TRPM2: variants seen among roughly 807,000 people sequenced by gnomAD.
TRPM2 encodes the protein estrogen-responsive element-associated gene 1 protein.
TRPM2 carries 161 observed loss-of-function variants against 174.0 expected under a neutral mutation model. That is an observed-to-expected ratio of 0.93 (90% CI 0.81 to 1.05). The LOEUF is 1.05. Ranked by LOEUF, TRPM2 falls within the 50% of genes least tolerant of loss-of-function variation. The pLI is 0.00. For missense variants in TRPM2, 2,057 were observed against 2,038.0 expected (o/e 1.01, Z -0.18); for synonymous variants, 954 against 861.3 (o/e 1.11, Z -1.88).
chr21:44,368,947 G>T (rs1451265392), intron 4 of TRPM2, among the ~76,000 whole-genome samples: 1 of 152,228 alleles, frequency 6.6e-6, no homozygotes, highest in African/African-American at 2.4e-5. Flanking sequence ...GGCCTGAGGA[G>T]GCGGCAGGGA....
rs2048378475 is a variant in TRPM2, at chr21:44,366,861, C to G, written c.531C>G (p.Ala177=). 6.2e-7 allele frequency: 1 copy of G among 1,613,562 alleles called. No homozygotes were observed. Among genetic ancestry groups the G allele is most frequent in the African/African-American group, 1.3e-5 (1 of 74,874 alleles). ...TCTTGATCTCGGTGACCGGGGGGGCCAAGAACTTCAACATGAAGCCGCGGC... is the reference window on the plus strand; with the variant it reads ...TCTTGATCTCGGTGACCGGGGGGGCGAAGAACTTCAACATGAAGCCGCGGC... The part of the protein sequence containing the change: ...PNLLISVTGG[A]KNFNMKPRLK... Residue 177 remains alanine (A), a synonymous_variant, in exon 4 of 32, where the codon GCC becomes GCG. Transcript: ENST00000397928. The surrounding 1 kb of genome is among the most constrained non-coding windows in gnomAD (Gnocchi z 6.0).
At chr21:44,373,743 G>GA (rs1456872451) in intron 5 of TRPM2, among the ~76,000 whole-genome samples, 1 of 151,816 alleles carries the variant, frequency 6.6e-6, no homozygotes. Flanking sequence ...GAAGCAGCAA[G>GA]AAAAAAAAGC....
rs535143712 is a variant in TRPM2, at chr21:44,369,125, G to T, written c.605-52G>T. On this transcript the variant is annotated intron_variant, in intron 4 of 31. Coordinates refer to ENST00000397928, the MANE Select transcript of TRPM2 (RefSeq NM_003307.4). ...GGGCTCAGGCGTCAGGCTCCTGGGT[G>T]TCAGGTGCCCCTCAGTGCTGTGGGG... 2.1e-3 allele frequency: 2,782 copies of T among 1,353,560 alleles called. 37 individuals are homozygous for T. In the African/African-American group the frequency reaches 0.07, roughly 34 times the overall value. 83.8% of individuals were successfully genotyped at this position (1,353,560 alleles called of 1,614,324 possible).
rs770604120 is a variant in TRPM2 at position 44,437,069 on chromosome 21, C to T, written c.4069C>T (p.Arg1357Trp). ...TLYPMVTRWRRNEDGAICRKS... is the reference protein window; with the variant it reads ...TLYPMVTRWRWNEDGAICRKS... ...TGGCCGCTCTCTCCGCAGGTGGAGG[C>T]GGAACGAGGATGGAGCCATCTGCAG... The change falls in exon 29 of 32, where the codon CGG (arginine) becomes TGG (tryptophan). Residue 1357 changes from arginine to tryptophan, a missense_variant. Arg to Trp is a moderately radical substitution (Grantham distance 101, BLOSUM62 -3). Transcript: ENST00000397928. The T allele has an allele frequency of 1.9e-5, 29 of 1,550,238 alleles. No individual in the cohort carries two copies. Among genetic ancestry groups the T allele is most frequent in the South Asian group, 1.8e-4 (15 of 84,060 alleles).
At chr21:44,378,737 A>T (rs1168164053) in intron 7 of TRPM2, among the ~76,000 whole-genome samples, 1 of 152,320 alleles carries the variant, frequency 6.6e-6, no homozygotes, top group Non-Finnish European at 1.5e-5. Flanking sequence ...CTGCAGGTCC[A>T]TGGGCAAAAA....
In TRPM2 at chr21:44,378,980, CCCCA is replaced by C; in HGVS notation, c.1015-14_1015-11del. On this transcript the variant is annotated splice_polypyrimidine_tract_variant and intron_variant, in intron 7 of 31. Transcript: ENST00000397928. ...TGAGGACCCAGTCCCGGGCTCACAC[CCCCA>C]CCTGCCTTGCAGACCATCGACAACG... 6.3e-7 allele frequency: 1 copy of C among 1,599,704 alleles called. No individual in the cohort carries two copies. The highest frequency in any genetic ancestry group is 8.5e-7 in the Non-Finnish European group (1 of 1,178,006).
At chr21:44,388,665 A>AAC (rs1741888130) in intron 9 of TRPM2, among the ~76,000 whole-genome samples, 3 of 151,258 alleles carry the variant, frequency 2.0e-5, no homozygotes, top group Non-Finnish European at 4.4e-5. Flanking sequence ...AAAAAAAAAA[A>AAC]AAAAAACTAG....
chr21:44,439,096 T>C lies in TRPM2; in HGVS notation c.4197T>C (p.Pro1399=). 1 of 1,613,530 alleles carries C rather than the reference T, an allele frequency of 6.2e-7. No individual in the cohort carries two copies. Among genetic ancestry groups the C allele is most frequent in the Non-Finnish European group, 8.5e-7 (1 of 1,179,818 alleles). The change falls in exon 30 of 32, where the codon CCT becomes CCC. Residue 1399 remains proline (P), a synonymous_variant. Transcript: ENST00000397928. This position sits in a 1 kb window ranked among gnomAD's most constrained non-coding sequence, Gnocchi z 5.1. The part of the protein sequence containing the change: ...GGSREPGEML[P]RKLKRILRQE... ...CCCGGGAGCCAGGGGAGATGCTACC[T>C]CGGAAGCTGAAGCGGATCCTCCGGC... is the stretch of plus-strand genomic sequence containing the variant.
At position 44,377,766 on chromosome 21, in the gene TRPM2, C is replaced by CGTTGCACGTGA. The variant is rs1569035536; in HGVS notation, c.1010_1014+6dup. 1 of 1,614,122 alleles carries CGTTGCACGTGA rather than the reference C, an allele frequency of 6.2e-7. No homozygotes were observed. The highest frequency in any genetic ancestry group is 1.3e-5 in the African/African-American group (1 of 75,064). On this transcript the variant is annotated frameshift_variant, in exon 7 of 32. Coordinates refer to ENST00000397928, the MANE Select transcript of TRPM2 (RefSeq NM_003307.4). LOFTEE classifies it high-confidence loss of function. ...GTGGTGCTGGAGGGCGGCCCGGGCA[C>CGTTGCACGTGA]GTTGCACGTGAGTATGGCCAGGTGG...
chr21:44,433,152 G>A (rs1329089945), intron 27 of TRPM2, among the ~76,000 whole-genome samples: 1 of 152,226 alleles, frequency 6.6e-6, no homozygotes, highest in Admixed American at 6.5e-5. Flanking sequence ...CCTGGCAGAA[G>A]CGAGCGTGCA....
intron 7 of TRPM2, 119 bp from the exon 8 acceptor site, chr21:44,378,878 G>T: frequency 1.8e-6 from 2 of 1,099,458 alleles, no homozygotes; most frequent in Non-Finnish European, 2.6e-6. Flanking sequence ...GCTTTCAGTG[G>T]ATCTCGGAGT....
intron 5 of TRPM2, 44 bp from the exon 6 acceptor site, chr21:44,375,789 A>G (rs778524308): frequency 5.1e-6 from 8 of 1,575,918 alleles, no homozygotes; most frequent in Non-Finnish European, 6.9e-6. Flanking sequence ...TTAGAGAGGC[A>G]GAGCTTTCCA....
chr21:44,397,916 C>G (rs763341615), intron 13 of TRPM2, 40 bp downstream of exon 13: 1 of 1,531,478 alleles, frequency 6.5e-7, no homozygotes, highest in Non-Finnish European at 8.8e-7. Flanking sequence ...CATGGCTCAG[C>G]CGTGCATGCC....
chr21:44,406,889 C>A, intron 19 of TRPM2, 124 bp downstream of exon 19: 1 of 1,265,826 alleles, frequency 7.9e-7, no homozygotes, highest in South Asian at 1.4e-5. Flanking sequence ...TCCCACCTGG[C>A]CGGTGTCCTC....
chr21:44,382,897 A>C (rs544398918), intron 9 of TRPM2, 77 bp downstream of exon 9: 1 of 1,367,894 alleles, frequency 7.3e-7, no homozygotes, highest in East Asian at 2.5e-5. Flanking sequence ...TCTAGTCTTG[A>C]AGTGCCATGA....
At chr21:44,363,516 T>C (rs185957445) in intron 2 of TRPM2, among the ~76,000 whole-genome samples, 1 of 152,336 alleles carries the variant, frequency 6.6e-6, no homozygotes, top group Admixed American at 6.5e-5. Flanking sequence ...AGCTCTAAAG[T>C]TTGCATTTGG....
intron 23 of TRPM2, 78 bp from the exon 24 acceptor site, chr21:44,424,774 A>G: frequency 1.1e-6 from 1 of 871,012 alleles, no homozygotes. Flanking sequence ...TGGGGGAGTG[A>G]AGTCTCGGTG....
Position 44,382,621 on chromosome 21 carries a change from G to A in TRPM2, c.1216-97G>A. The A allele has an allele frequency of 6.7e-6, 8 of 1,188,118 alleles. No individual in the cohort carries two copies. In the South Asian group the frequency reaches 1.1e-4, roughly 16 times the overall value. The allele number at this position is 1,188,118 out of a possible 1,614,324, so 73.6% of individuals were successfully genotyped here. ...GGCCACAAGCGCAGGCAGGACCCAA[G>A]GCTCTGGCTGTGTCCGGGGCCTCAA... On this transcript the variant is annotated intron_variant, in intron 8 of 31. Coordinates refer to ENST00000397928, the MANE Select transcript of TRPM2 (RefSeq NM_003307.4).
chr21:44,370,658 A>T (rs755116639), intron 5 of TRPM2, among the ~76,000 whole-genome samples: 2 of 152,222 alleles, frequency 1.3e-5, no homozygotes, highest in African/African-American at 2.4e-5. Flanking sequence ...ACACTCCCAG[A>T]TGCCCACGAG....
Sources: allele counts gnomAD v4.1 joint callset (sites outside exome capture counted in the v4.1 genomes callset), GRCh38; gene constraint gnomAD v4.1.1; non-coding constraint Gnocchi (gnomAD v3.1); transcripts MANE v1.5; gene names NCBI Gene and HGNC (gene_info 2026-07-23, HGNC 2026-07-21).